COL9A1: variants seen among roughly 807,000 people sequenced by gnomAD.
COL9A1 encodes the protein collagen alpha-1(IX) chain.
COL9A1 carries 104 observed loss-of-function variants against 142.6 expected under a neutral mutation model. That is an observed-to-expected ratio of 0.73 (90% CI 0.62 to 0.86). COL9A1 has a LOEUF of 0.86. Among genes scored for constraint, COL9A1 ranks in the 40% least tolerant of loss-of-function variants. COL9A1 has a pLI of 0.00. For synonymous variants in COL9A1, 466 were observed against 396.0 expected (o/e 1.18, Z -2.10); for missense variants, 1,210 against 1,176.6 (o/e 1.03, Z -0.42).
chr6:70,234,782 C>T lies in COL9A1; in HGVS notation c.2259+12G>A. On this transcript the variant is annotated intron_variant, in intron 34 of 37. Coordinates refer to ENST00000357250, the MANE Select transcript of COL9A1 (RefSeq NM_001851.6). ...CTCCAAAGGGAAACCACAGAAGCTG[C>T]CCACCACTCACCGGAGGGCCCTGGA... 1 of 1,614,060 alleles carries T rather than the reference C, an allele frequency of 6.2e-7. No homozygotes were observed. The highest frequency in any genetic ancestry group is 1.1e-5 in the South Asian group (1 of 91,068).
rs571510344 is a variant in COL9A1, at chr6:70,240,895, T to C, written c.2035-162A>G. Among the ~76,000 whole-genome samples, 11,593 of 152,128 alleles carry C rather than the reference T, an allele frequency of 0.076. 483 individuals are homozygous for C. The highest frequency in any genetic ancestry group is 0.11 in the African/African-American group (4,516 of 41,488). On this transcript the variant is annotated intron_variant, in intron 31 of 37. Transcript: ENST00000357250. ...GCTTTCCAATCTAGCTGTCAGTGGT[T>C]AGTCCCAATCAGAAAATAGCGGAGA...
chr6:70,280,607 A>G lies in COL9A1; in HGVS notation c.975+205T>C. 2.3e-6 allele frequency: 3 copies of G among 1,302,262 alleles called. No homozygotes were observed. In the South Asian group the frequency reaches 4.6e-5, roughly 20 times the overall value. 80.7% of individuals were successfully genotyped at this position (1,302,262 alleles called of 1,614,324 possible). A position where few individuals can be genotyped will look rare whatever the true frequency, so the allele number is the denominator to read the frequency against. Reference sequence around the variant, plus strand: ...AGGAGGAAATGCCAACGCCTCCTAGAGAGAGGTATCCTCACCTTCACAAGT... The same window carrying G: ...AGGAGGAAATGCCAACGCCTCCTAGGGAGAGGTATCCTCACCTTCACAAGT... On this transcript the variant is annotated intron_variant, in intron 10 of 37. Coordinates refer to ENST00000357250, the MANE Select transcript of COL9A1 (RefSeq NM_001851.6).
At position 70,254,535 on chromosome 6, in the gene COL9A1, A is replaced by G; in HGVS notation, c.1666-6T>C. 6.2e-7 allele frequency: 1 copy of G among 1,613,984 alleles called. No homozygotes were observed. Among genetic ancestry groups the G allele is most frequent in the Non-Finnish European group, 8.5e-7 (1 of 1,179,922 alleles). ...CCAGGTTTTCCTGGTTCACCCTGCA[A>G]AAAAAGCTTTTATCACATGATTGAA... On this transcript the variant is annotated splice_polypyrimidine_tract_variant and splice_region_variant and intron_variant, in intron 24 of 37. Coordinates refer to ENST00000357250, the MANE Select transcript of COL9A1 (RefSeq NM_001851.6).
intron 10 of COL9A1, among the ~76,000 whole-genome samples, chr6:70,276,504 G>C (rs903158573): frequency 2.0e-5 from 3 of 151,972 alleles, no homozygotes; most frequent in African/African-American, 7.3e-5. Context: ...GCTGTTTTTC[G>C]GTTACTTCAT....
chr6:70,297,122 A>G (rs114289334), intron 4 of COL9A1, among the ~76,000 whole-genome samples: 2,002 of 152,218 alleles, frequency 0.013, 54 homozygotes, highest in African/African-American at 0.045. Flanking sequence ...TTCCCACTCA[A>G]TGAAGAGATT....
intron 2 of COL9A1, among the ~76,000 whole-genome samples, chr6:70,301,405 G>A (rs1272199377): frequency 5.3e-5 from 8 of 152,154 alleles, no homozygotes; most frequent in South Asian, 2.1e-4. Context: ...GTGAAAGCCC[G>A]TCTCTACTAA....
intron 32 of COL9A1, among the ~76,000 whole-genome samples, chr6:70,240,011 C>T (rs574701282): frequency 6.6e-6 from 1 of 152,246 alleles, no homozygotes; most frequent in African/African-American, 2.4e-5. Context: ...TCCTGCCCTA[C>T]AAGCTCTCTA....
Position 70,268,835 on chromosome 6 carries a change from C to T in COL9A1, c.1256G>A (p.Arg419His), listed in dbSNP as rs757314373. ...GCCTGGTAGGCCTGGATATCCTGAG[C>T]GACCTGGTGGACAGGCATTGGGACA... is the stretch of plus-strand genomic sequence containing the variant. ...PLCPNACPPG[R>H]SGYPGLPGMR... The change falls in exon 17 of 38, where the codon CGC becomes CAC. Residue 419 changes from arginine to histidine, a missense_variant. Coordinates refer to ENST00000357250, the MANE Select transcript of COL9A1 (RefSeq NM_001851.6). 2.4e-5 allele frequency: 39 copies of T among 1,613,634 alleles called. No homozygotes were observed. In the East Asian group the frequency reaches 3.6e-4, roughly 15 times the overall value.
chr6:70,252,311 C>A lies in COL9A1; in HGVS notation c.1769G>T (p.Ser590Ile). Reference sequence around the variant, plus strand: ...ACCAGGCTTCCCTGGAGCACCTGTGCTACCCTAAGGGTAAAATGCAACATC... The same window carrying A: ...ACCAGGCTTCCCTGGAGCACCTGTGATACCCTAAGGGTAAAATGCAACATC... ...GAKGVAGEKG[S>I]TGAPGKPGQM... Residue 590 changes from serine to isoleucine, a missense_variant, in exon 27 of 38, where the codon AGC (serine) becomes ATC (isoleucine). By Grantham distance (142) the Ser-to-Ile change is moderately radical (BLOSUM62 -2). Coordinates refer to ENST00000357250, the MANE Select transcript of COL9A1 (RefSeq NM_001851.6). 6.2e-7 allele frequency: 1 copy of A among 1,614,034 alleles called. No homozygotes were observed. Among genetic ancestry groups the A allele is most frequent in the Non-Finnish European group, 8.5e-7 (1 of 1,179,886 alleles).
intron 20 of COL9A1, among the ~76,000 whole-genome samples, chr6:70,260,426 C>T (rs980881255): frequency 1.3e-5 from 2 of 151,794 alleles, no homozygotes; most frequent in African/African-American, 4.8e-5. Context: ...GCCTGTAATC[C>T]CAGCTGCTCT....
In COL9A1 at chr6:70,280,807, C is replaced by CCA; in HGVS notation, c.975+4_975+5insTG. ...TGGGCGCCCTCCCAGCACTCGCCTA[C>CCA]TCACATCAGCGCCAGGTGTGCCAGG... On this transcript the variant is annotated splice_donor_region_variant and intron_variant, in intron 10 of 37. Coordinates refer to ENST00000357250, the MANE Select transcript of COL9A1 (RefSeq NM_001851.6). 6.2e-7 allele frequency: 1 copy of CCA among 1,612,158 alleles called. No individual in the cohort carries two copies. The highest frequency in any genetic ancestry group is 8.5e-7 in the Non-Finnish European group (1 of 1,179,380).
chr6:70,294,448 T>A lies in COL9A1; in HGVS notation c.415A>T (p.Lys139Ter), dbSNP rs1187047204. The change falls in exon 5 of 38, where the codon AAG (lysine) becomes TAG (stop). Residue 139 changes from lysine to a stop codon, truncating the protein, a stop_gained. Transcript: ENST00000357250. LOFTEE classifies it high-confidence loss of function. ...NIWQIQDSSGKEQVGIKINGQ... is the reference protein window; with the variant it reads ...NIWQIQDSSG ...TTAATCTTTATGCCAACTTGCTCCT[T>A]CCCAGAGGAATCCTGAATCTGCCAA... is the stretch of plus-strand genomic sequence containing the variant. 2 of 1,614,008 alleles carry A rather than the reference T, an allele frequency of 1.2e-6. No individual in the cohort carries two copies. The highest frequency in any genetic ancestry group is 1.7e-6 in the Non-Finnish European group (2 of 1,179,986).
chr6:70,255,142 GGACA>G lies in COL9A1; in HGVS notation c.1611+4_1611+7del. 1 of 1,614,138 alleles carries G rather than the reference GGACA, an allele frequency of 6.2e-7. No homozygotes were observed. Among genetic ancestry groups the G allele is most frequent in the Non-Finnish European group, 8.5e-7 (1 of 1,179,996 alleles). On this transcript the variant is annotated splice_donor_5th_base_variant and intron_variant, in intron 23 of 37. Coordinates refer to ENST00000357250, the MANE Select transcript of COL9A1 (RefSeq NM_001851.6). Reference sequence around the variant, plus strand: ...AAATGTGCTTGATGACTACAGCTCAGGACATACCGTGTCTCCTTTGGGCCCAGGG... The same window carrying G: ...AAATGTGCTTGATGACTACAGCTCAGTACCGTGTCTCCTTTGGGCCCAGGG...
chr6:70,280,146 G>C (rs1030079157), intron 10 of COL9A1: 3 of 549,908 alleles, frequency 5.5e-6, no homozygotes. Context: ...TGATGGAGAT[G>C]TGGGTAAACT....
At chr6:70,241,364 T>G in intron 31 of COL9A1, 55 bp downstream of exon 31, 2 of 1,402,062 alleles carry the variant, frequency 1.4e-6, no homozygotes, top group Admixed American at 1.7e-5. Flanking sequence ...CCCTTGCTTG[T>G]GAAATGGTGC....
intron 4 of COL9A1, among the ~76,000 whole-genome samples, chr6:70,298,082 T>A (rs1487878596): frequency 6.6e-6 from 1 of 152,176 alleles, no homozygotes; most frequent in Non-Finnish European, 1.5e-5. Context: ...GCAATTCCCA[T>A]CCCTAGTCTC....
At chr6:70,257,738 C>A (rs924329731) in intron 20 of COL9A1, among the ~76,000 whole-genome samples, 5 of 152,090 alleles carry the variant, frequency 3.3e-5, no homozygotes, top group Non-Finnish European at 5.9e-5. Flanking sequence ...CAGTGTGAGA[C>A]CCTGTCTCAA....
At chr6:70,238,727 A>G (rs1770061183) in intron 33 of COL9A1, among the ~76,000 whole-genome samples, 1 of 152,254 alleles carries the variant, frequency 6.6e-6, no homozygotes, top group African/African-American at 2.4e-5. Flanking sequence ...CTTCCTTTCC[A>G]GTGGTTAGTT....
chr6:70,275,716 A>T (rs1772716284), intron 10 of COL9A1, among the ~76,000 whole-genome samples: 1 of 152,094 alleles, frequency 6.6e-6, no homozygotes, highest in Admixed American at 6.6e-5. Flanking sequence ...TTACAATGTA[A>T]TCTTGAAAGT....
Sources: gnomAD v4.1 joint callset for allele counts (sites outside exome capture counted in the v4.1 genomes callset) on GRCh38, gnomAD v4.1.1 for gene constraint, MANE v1.5 for transcripts, NCBI Gene and HGNC (gene_info 2026-07-23, HGNC 2026-07-21) for gene names.